Variants in ST7 observed in about 807,000 individuals in gnomAD.
ST7 encodes suppressor of tumorigenicity 7 protein.
Under a neutral mutation model 78.7 loss-of-function variants are expected in ST7, and 28 were observed. The observed-to-expected ratio is 0.36, with a 90% CI of 0.26 to 0.49. The LOEUF (loss-of-function observed/expected upper bound fraction) is 0.49, where lower values mean the gene tolerates loss of function less well. Ranked by LOEUF, ST7 falls within the 20% of genes least tolerant of loss-of-function variation. ST7 has a pLI of 0.99. For synonymous variants in ST7, 247 were observed against 249.6 expected (o/e 0.99, Z 0.10); for missense variants, 418 against 696.0 (o/e 0.60, Z 4.49).
chr7:117,057,852 A>C (rs1351296969), intron 1 of ST7, among the ~76,000 whole-genome samples: 13 of 152,172 alleles, frequency 8.5e-5, no homozygotes. Flanking sequence ...ATTAAGTAAA[A>C]GTTACCAATC....
chr7:117,096,553 T>C (rs140677656), intron 1 of ST7, among the ~76,000 whole-genome samples: 8 of 152,360 alleles, frequency 5.3e-5, no homozygotes, highest in Admixed American at 4.6e-4. Context: ...TCCCCTGTGA[T>C]GCTAAAAGCA....
chr7:116,982,433 A>G (rs1302881153), intron 1 of ST7, among the ~76,000 whole-genome samples: 1 of 152,132 alleles, frequency 6.6e-6, no homozygotes, highest in Non-Finnish European at 1.5e-5. Context: ...CATGTCGGTC[A>G]GGCTGGTCTC....
chr7:117,023,776 A>T (rs1428864046), intron 1 of ST7, among the ~76,000 whole-genome samples: 1 of 24,908 alleles, frequency 4.0e-5, no homozygotes, highest in Non-Finnish European at 1.4e-4. Flanking sequence ...TCTTAATTTG[A>T]TTATATATAT....
At chr7:117,115,857 A>C (rs1802839729) in intron 2 of ST7, among the ~76,000 whole-genome samples, 2 of 152,188 alleles carry the variant, frequency 1.3e-5, no homozygotes, top group Admixed American at 1.3e-4. Flanking sequence ...CTCCTGTTAC[A>C]TCAACCAGGC....
At chr7:117,092,201 C>T (rs547246515) in intron 1 of ST7, among the ~76,000 whole-genome samples, 1 of 149,346 alleles carries the variant, frequency 6.7e-6, no homozygotes, top group African/African-American at 2.5e-5. Context: ...ATGGCGTGAA[C>T]CCGGGAGGCG....
chr7:117,065,807 A>AT (rs1327268033), intron 1 of ST7, among the ~76,000 whole-genome samples: 7 of 152,104 alleles, frequency 4.6e-5, no homozygotes, highest in Non-Finnish European at 8.8e-5. Flanking sequence ...ACCGTCAGTG[A>AT]TTTTCCATTG....
intron 1 of ST7, among the ~76,000 whole-genome samples, chr7:117,070,871 T>G (rs1212115815): frequency 1.3e-5 from 2 of 152,040 alleles, no homozygotes; most frequent in East Asian, 3.9e-4. Context: ...AGTAGTAAAT[T>G]GTACACTTAG....
chr7:117,035,819 C>CT (rs34596214), intron 1 of ST7, among the ~76,000 whole-genome samples: 97 of 149,204 alleles, frequency 6.5e-4, no homozygotes, highest in Middle Eastern at 3.5e-3. Flanking sequence ...TAGAATCAGT[C>CT]TTTTTTTTTT....
chr7:117,159,825 G>A (rs1222410097), intron 9 of ST7, among the ~76,000 whole-genome samples: 2 of 152,074 alleles, frequency 1.3e-5, no homozygotes, highest in East Asian at 1.9e-4. Context: ...CCCAGAAGGC[G>A]GAGGTTGCAG....
At chr7:117,146,545 G>A (rs1406643020) in intron 9 of ST7, 1 of 152,300 alleles carries the variant, frequency 6.6e-6, no homozygotes. Context: ...CAGAGAAGCG[G>A]AGGAGTCGGT....
At chr7:117,161,444 TA>T (rs1481541177) in intron 9 of ST7, among the ~76,000 whole-genome samples, 3 of 152,010 alleles carry the variant, frequency 2.0e-5, no homozygotes, top group Non-Finnish European at 4.4e-5. Flanking sequence ...TTCTTTTATT[TA>T]TTTTTTTGTT....
At chr7:116,974,527 G>A (rs989123533) in intron 1 of ST7, among the ~76,000 whole-genome samples, 7 of 152,030 alleles carry the variant, frequency 4.6e-5, no homozygotes, top group African/African-American at 1.4e-4. Flanking sequence ...TCCTGACCTC[G>A]TGATCCACCT....
At chr7:117,147,590 T>G (rs1805906961) in intron 9 of ST7, among the ~76,000 whole-genome samples, 1 of 152,116 alleles carries the variant, frequency 6.6e-6, no homozygotes, top group South Asian at 2.1e-4. Context: ...TTTGGCTAGT[T>G]TTTACTCTTA....
At chr7:117,176,222 T>G (rs1156572499) in intron 10 of ST7, among the ~76,000 whole-genome samples, 2 of 152,216 alleles carry the variant, frequency 1.3e-5, no homozygotes, top group Non-Finnish European at 2.9e-5. Flanking sequence ...CTTCCCTTCC[T>G]TCTCAAACGA....
intron 6 of ST7, 45 bp from the exon 7 acceptor site, chr7:117,134,079 C>G (rs1379408244): frequency 6.2e-7 from 1 of 1,606,832 alleles, no homozygotes; most frequent in South Asian, 1.1e-5. Context: ...TCTGAATGTT[C>G]CTATCAATTT....
intron 10 of ST7, among the ~76,000 whole-genome samples, chr7:117,185,597 T>C (rs774286098): frequency 1.3e-5 from 2 of 152,196 alleles, no homozygotes; most frequent in African/African-American, 2.4e-5. Context: ...TTTTTTCATA[T>C]ACATATGTAT....
intron 15 of ST7, among the ~76,000 whole-genome samples, chr7:117,222,669 GA>G (rs1793175437): frequency 6.6e-6 from 1 of 152,138 alleles, no homozygotes; most frequent in Non-Finnish European, 1.5e-5. Context: ...TTTCTTTGTT[GA>G]AAACTGACCA....
chr7:116,986,321 A>G (rs2116356583), intron 1 of ST7, among the ~76,000 whole-genome samples: 1 of 152,264 alleles, frequency 6.6e-6, no homozygotes, highest in South Asian at 2.1e-4. Flanking sequence ...ATGAGTTGAG[A>G]GGTGGTGGTC....
At chr7:117,086,512 A>T (rs1800159408) in intron 1 of ST7, among the ~76,000 whole-genome samples, 1 of 152,174 alleles carries the variant, frequency 6.6e-6, no homozygotes, top group Non-Finnish European at 1.5e-5. Flanking sequence ...ACCATGAGGG[A>T]TGACCATTTT....
Sources: gnomAD v4.1 joint callset for allele counts (sites outside exome capture counted in the v4.1 genomes callset) on GRCh38, gnomAD v4.1.1 for gene constraint, MANE v1.5 for transcripts, NCBI Gene and HGNC (gene_info 2026-07-23, HGNC 2026-07-21) for gene names.